Variants in FRMD4A observed in about 807,000 individuals in gnomAD.
FRMD4A encodes FERM domain-containing protein 4A.
Under a neutral mutation model 129.1 loss-of-function variants are expected in FRMD4A, and 29 were observed. That is an observed-to-expected ratio of 0.22 (90% CI 0.17 to 0.31). The LOEUF is 0.31. FRMD4A is among the 10% of genes least tolerant of loss of function. The pLI is 1.00. For missense variants in FRMD4A, 1,272 were observed against 1,375.8 expected (o/e 0.92, Z 1.19); for synonymous variants, 634 against 571.6 (o/e 1.11, Z -1.56).
intron 2 of FRMD4A, among the ~76,000 whole-genome samples, chr10:13,987,520 G>A (rs535342855): frequency 8.6e-4 from 131 of 152,084 alleles, no homozygotes; most frequent in African/African-American, 2.8e-3. Context: ...ACTTGAGTTC[G>A]CCCAACGTCA....
chr10:14,059,988 C>T (rs982256974), intron 2 of FRMD4A, among the ~76,000 whole-genome samples: 3 of 152,222 alleles, frequency 2.0e-5, no homozygotes, highest in Non-Finnish European at 4.4e-5. Context: ...AACTCGCTAA[C>T]TCAACTAGTA....
chr10:14,050,404 A>G (rs2131685541), intron 2 of FRMD4A, among the ~76,000 whole-genome samples: 1 of 152,350 alleles, frequency 6.6e-6, no homozygotes, highest in Non-Finnish European at 1.5e-5. Flanking sequence ...TGTAAAGACT[A>G]ATAGAGATGA....
At position 14,119,373 on chromosome 10, in the gene FRMD4A, G is replaced by A. The variant is rs572731428; in HGVS notation, c.45+210685C>T. Reference sequence around the variant, plus strand: ...TTACCAGCAGGAGACGGAATGGTGGGGCCAAACCCCAGGTACCTGAACGAG... The same window carrying A: ...TTACCAGCAGGAGACGGAATGGTGGAGCCAAACCCCAGGTACCTGAACGAG... On this transcript the variant is annotated intron_variant, in intron 2 of 24. Coordinates refer to ENST00000357447, the MANE Select transcript of FRMD4A (RefSeq NM_018027.5). Among the ~76,000 whole-genome samples the A allele has an allele frequency of 1.4e-4, 22 of 152,268 alleles. 1 individual carries two copies. The South Asian group carries it at 4.6e-3, about 32-fold the overall frequency.
intron 2 of FRMD4A, among the ~76,000 whole-genome samples, chr10:13,987,419 G>A (rs996102306): frequency 3.9e-5 from 6 of 152,238 alleles, no homozygotes; most frequent in African/African-American, 1.4e-4. Flanking sequence ...TCCACCATGA[G>A]GGCCCACTTA....
At chr10:13,776,277 A>G (rs1447081979) in intron 6 of FRMD4A, among the ~76,000 whole-genome samples, 1 of 151,776 alleles carries the variant, frequency 6.6e-6, no homozygotes, top group Non-Finnish European at 1.5e-5. Context: ...CACCCGACTA[A>G]TTTTTGTGTT....
Position 14,154,523 on chromosome 10 carries a change from C to T in FRMD4A, c.45+175535G>A, listed in dbSNP as rs1293801789. 2.0e-5 allele frequency among the ~76,000 whole-genome samples: 3 copies of T among 152,236 alleles called. No homozygotes were observed. The East Asian group carries it at 5.8e-4, about 29-fold the overall frequency. On this transcript the variant is annotated intron_variant, in intron 2 of 24. Coordinates refer to ENST00000357447, the MANE Select transcript of FRMD4A (RefSeq NM_018027.5). ...TTTAGTTCCTTAAATATGTCTAAAA[C>T]AATTAAAAATACAATCTCCTCATGC...
intron 3 of FRMD4A, among the ~76,000 whole-genome samples, chr10:13,842,440 C>A (rs2093981650): frequency 6.6e-6 from 1 of 152,202 alleles, no homozygotes; most frequent in Admixed American, 6.5e-5. Flanking sequence ...CACCCATCTT[C>A]CAGAGATCAG....
intron 6 of FRMD4A, among the ~76,000 whole-genome samples, chr10:13,771,692 T>C (rs1254857294): frequency 6.6e-6 from 1 of 152,198 alleles, no homozygotes; most frequent in African/African-American, 2.4e-5. Flanking sequence ...CATCTCCAGA[T>C]GGCAAGCACA....
chr10:13,830,210 C>A (rs893328422), intron 3 of FRMD4A, among the ~76,000 whole-genome samples: 1 of 152,196 alleles, frequency 6.6e-6, no homozygotes, highest in Non-Finnish European at 1.5e-5. Flanking sequence ...GAGCATCCAT[C>A]GGGCAGGGCG....
At chr10:13,971,890 A>G in intron 2 of FRMD4A, 5 of 1,282,030 alleles carry the variant, frequency 3.9e-6, no homozygotes, top group Non-Finnish European at 5.1e-6. Context: ...CAATGTCAGT[A>G]AGATTTAATC....
At chr10:13,733,311 A>G (rs2135027865) in intron 12 of FRMD4A, among the ~76,000 whole-genome samples, 1 of 152,382 alleles carries the variant, frequency 6.6e-6, no homozygotes, top group African/African-American at 2.4e-5. Flanking sequence ...AGGCTTCTTA[A>G]CAATGGCTCC....
intron 2 of FRMD4A, among the ~76,000 whole-genome samples, chr10:13,932,114 C>T (rs2095204905): frequency 6.6e-6 from 1 of 152,214 alleles, no homozygotes; most frequent in African/African-American, 2.4e-5. Flanking sequence ...TTCTATTGCT[C>T]CCTGAGAAAA....
chr10:14,060,564 C>A (rs1834760869), intron 2 of FRMD4A, among the ~76,000 whole-genome samples: 1 of 152,188 alleles, frequency 6.6e-6, no homozygotes, highest in Non-Finnish European at 1.5e-5. Flanking sequence ...CAAAGACAAG[C>A]ACTGGGCCTA....
chr10:14,103,555 G>A (rs976931731), intron 2 of FRMD4A, among the ~76,000 whole-genome samples: 1 of 152,154 alleles, frequency 6.6e-6, no homozygotes, highest in East Asian at 1.9e-4. Context: ...TCGCAAAAGA[G>A]AAATAAATAT....
chr10:14,001,291 A>G (rs1312207983), intron 2 of FRMD4A, among the ~76,000 whole-genome samples: 1 of 152,322 alleles, frequency 6.6e-6, no homozygotes, highest in Middle Eastern at 3.4e-3. Flanking sequence ...ACCAAAGTTG[A>G]AAAGCATTGT....
At position 14,261,941 on chromosome 10, in the gene FRMD4A, AACACACACAC is replaced by A. The variant is rs55763234; in HGVS notation, c.45+68107_45+68116del. Among the ~76,000 whole-genome samples the A allele has an allele frequency of 9.7e-3, 1,246 of 128,310 alleles. 15 individuals are homozygous for A. Among genetic ancestry groups the A allele is most frequent in the East Asian group, 0.043 (182 of 4,248 alleles). The allele number at this position is 128,310 out of a possible 152,430, so 84.2% of individuals were successfully genotyped here. A position where few individuals can be genotyped will look rare whatever the true frequency, so the allele number is the denominator to read the frequency against. Reference sequence around the variant, plus strand: ...TGTGACTCCATTTCTCACCACACCAAACACACACACACACACACACACACACACACACACA... The same window carrying A: ...TGTGACTCCATTTCTCACCACACCAAACACACACACACACACACACACACA... On this transcript the variant is annotated intron_variant, in intron 2 of 24. Transcript: ENST00000357447.
intron 2 of FRMD4A, among the ~76,000 whole-genome samples, chr10:14,162,872 C>T (rs1315368517): frequency 6.6e-6 from 1 of 152,098 alleles, no homozygotes; most frequent in Non-Finnish European, 1.5e-5. Context: ...TTTACTCAAC[C>T]TGTAAAATAA....
chr10:13,656,650 C>T lies in FRMD4A; in HGVS notation c.2939G>A (p.Cys980Tyr). The T allele has an allele frequency of 6.8e-7, 1 of 1,460,140 alleles. No homozygotes were observed. Among genetic ancestry groups the T allele is most frequent in the Non-Finnish European group, 9.1e-7 (1 of 1,097,652 alleles). 90.4% of individuals were successfully genotyped at this position (1,460,140 alleles called of 1,614,324 possible). ...HSRVTRMPQM[C>Y]KATSAALPQS... ...CCCCCTCTCACCTGACGTGGCCTTG[C>T]ACATCTGGGGCATCCTGGTGACCCT... Residue 980 changes from cysteine to tyrosine, a missense_variant, in exon 22 of 25, where the codon TGC (cysteine) becomes TAC (tyrosine). This residue lies in a region of FRMD4A where 972 missense variants were observed against 892.3 expected (regional missense o/e 1.09). Coordinates refer to ENST00000357447, the MANE Select transcript of FRMD4A (RefSeq NM_018027.5).
intron 2 of FRMD4A, among the ~76,000 whole-genome samples, chr10:14,012,412 G>A (rs949782719): frequency 2.0e-5 from 3 of 152,172 alleles, no homozygotes; most frequent in Non-Finnish European, 1.5e-5. Flanking sequence ...CCAGGTTTCA[G>A]GAAAGTCAAT....
Sources: allele counts gnomAD v4.1 joint callset (sites outside exome capture counted in the v4.1 genomes callset), GRCh38; gene constraint gnomAD v4.1.1; regional missense constraint gnomAD v4.1.1; transcripts MANE v1.5; gene names NCBI Gene and HGNC (gene_info 2026-07-23, HGNC 2026-07-21).